CEP83: variants seen among roughly 807,000 people sequenced by gnomAD.
The protein encoded by CEP83 is centrosomal protein 83.
Under a neutral mutation model 101.9 loss-of-function variants are expected in CEP83, and 70 were observed. The observed-to-expected ratio is 0.69, with a 90% CI of 0.57 to 0.84. The LOEUF (loss-of-function observed/expected upper bound fraction) is 0.84. Among genes scored for constraint, CEP83 ranks in the 40% least tolerant of loss-of-function variants. The pLI, the probability that CEP83 is intolerant of heterozygous loss-of-function variation, is 0.00. For missense variants in CEP83, 715 were observed against 787.2 expected (o/e 0.91, Z 1.10); for synonymous variants, 264 against 267.9 (o/e 0.99, Z 0.14).
chr12:94,331,357 CTTTTT>C lies in CEP83; in HGVS notation c.1707+338_1707+342del, dbSNP rs1161292599. Among the ~76,000 whole-genome samples, 50 of 66,776 alleles carry C rather than the reference CTTTTT, an allele frequency of 7.5e-4. No homozygotes were observed. In the East Asian group the frequency reaches 0.015, roughly 20 times the overall value. 43.8% of individuals were successfully genotyped at this position (66,776 alleles called of 152,430 possible). On this transcript the variant is annotated intron_variant, in intron 14 of 16. Transcript: ENST00000397809. Reference sequence around the variant, plus strand: ...TACTCCATAGAAATCACCTTTTTTCCTTTTTTTTTTTTTTTTTTTTTTTTTTTGCG... The same window carrying C: ...TACTCCATAGAAATCACCTTTTTTCCTTTTTTTTTTTTTTTTTTTTTTGCG...
At chr12:94,313,488 CTG>C (rs952559875) in intron 14 of CEP83, among the ~76,000 whole-genome samples, 10 of 142,174 alleles carry the variant, frequency 7.0e-5, no homozygotes, top group African/African-American at 2.7e-4. Flanking sequence ...TTAGCTATGA[CTG>C]TGCCACTCCA....
chr12:94,442,471 T>C (rs2066483099), intron 1 of CEP83, among the ~76,000 whole-genome samples: 1 of 152,080 alleles, frequency 6.6e-6, no homozygotes, highest in Non-Finnish European at 1.5e-5. Flanking sequence ...CTAAATAAGT[T>C]ATCCATGTAA....
chr12:94,285,283 C>T, the CEP83 span, among the ~76,000 whole-genome samples: 1 of 152,308 alleles, frequency 6.6e-6, no homozygotes, highest in South Asian at 2.1e-4. Flanking sequence ...CTGCCAGATT[C>T]TCCCCTTGCC....
chr12:94,303,028 A>C (rs1968623613), downstream of CEP83, among the ~76,000 whole-genome samples: 1 of 152,252 alleles, frequency 6.6e-6, no homozygotes, highest in Non-Finnish European at 1.5e-5. Context: ...CTGGGACATT[A>C]GCCCTATCAT....
chr12:94,333,798 C>G (rs1188450819), intron 12 of CEP83, 159 bp from the exon 13 acceptor site: 1 of 605,616 alleles, frequency 1.7e-6, no homozygotes, highest in Non-Finnish European at 2.8e-6. Context: ...TAGCAGCACC[C>G]AGGAGCATTT....
chr12:94,330,736 T>C (rs1370192541), intron 14 of CEP83, among the ~76,000 whole-genome samples: 1 of 152,182 alleles, frequency 6.6e-6, no homozygotes, highest in East Asian at 1.9e-4. Flanking sequence ...AATCACACTA[T>C]AATTTAACTG....
chr12:94,425,968 A>C (rs1326423350), intron 2 of CEP83, among the ~76,000 whole-genome samples: 1 of 151,958 alleles, frequency 6.6e-6, no homozygotes, highest in Non-Finnish European at 1.5e-5. Flanking sequence ...AAAATACAAA[A>C]AAAATTAGCT....
At chr12:94,332,335 A>G (rs2059258738) in intron 13 of CEP83, among the ~76,000 whole-genome samples, 1 of 152,216 alleles carries the variant, frequency 6.6e-6, no homozygotes, top group Non-Finnish European at 1.5e-5. Context: ...ATAACAACTT[A>G]TATTTTTAAA....
At chr12:94,446,704 C>A (rs1175737309) in intron 1 of CEP83, among the ~76,000 whole-genome samples, 1 of 151,832 alleles carries the variant, frequency 6.6e-6, no homozygotes, top group African/African-American at 2.4e-5. Flanking sequence ...AAGACCCCAC[C>A]TCAAAGAAAA....
Position 94,368,090 on chromosome 12 carries a change from C to T in CEP83, c.1160G>A (p.Gly387Asp), listed in dbSNP as rs181273359. 15 of 1,613,284 alleles carry T rather than the reference C, an allele frequency of 9.3e-6. No individual in the cohort carries two copies. The East Asian group carries it at 2.9e-4, about 31-fold the overall frequency. The change falls in exon 10 of 17, where the codon GGT becomes GAT. Residue 387 changes from glycine to aspartate, a missense_variant. Transcript: ENST00000397809. ...TTGTAATACCACAAGTTTTTGATAA[C>T]CTTCTTCTTTGGCAGCTTGTACTTT... ...IRKVQAAKEEGYQKLVVLQDE... is the reference protein window; with the variant it reads ...IRKVQAAKEEDYQKLVVLQDE...
chr12:94,411,276 T>G (rs191349295), intron 4 of CEP83, among the ~76,000 whole-genome samples: 1 of 152,184 alleles, frequency 6.6e-6, no homozygotes. Context: ...ACATAAATTA[T>G]GTTCACATAC....
intron 11 of CEP83, among the ~76,000 whole-genome samples, chr12:94,360,712 T>C (rs2136925043): frequency 6.6e-6 from 1 of 152,096 alleles, no homozygotes; most frequent in African/African-American, 2.4e-5. Flanking sequence ...ATTTCTACCA[T>C]ATTACCAATG....
intron 14 of CEP83, among the ~76,000 whole-genome samples, chr12:94,315,987 C>G (rs1396056392): frequency 1.3e-5 from 2 of 152,044 alleles, no homozygotes. Flanking sequence ...TATTCTAGTC[C>G]TTTGTACTTT....
Position 94,400,858 on chromosome 12 carries a change from C to T in CEP83, c.541G>A (p.Glu181Lys), listed in dbSNP as rs755656442. The change falls in exon 6 of 17, where the codon GAA becomes AAA. Residue 181 changes from glutamate (E) to lysine (K), a missense_variant. By Grantham distance (56) the Glu-to-Lys change is moderately conservative (BLOSUM62 1). Transcript: ENST00000397809. The stretch of plus-strand genomic sequence containing the variant: ...TATAATCAATCACTTACCTCTGATT[C>T]ATATTTTATTTTTCCTTCATCTAAA... ...RILDEGKIKY[E>K]SEIARLEEDK... 42 of 1,467,368 alleles carry T rather than the reference C, an allele frequency of 2.9e-5. No homozygotes were observed. The highest frequency in any genetic ancestry group is 3.7e-5 in the Non-Finnish European group (41 of 1,104,950). The allele number at this position is 1,467,368 out of a possible 1,614,324, so 90.9% of individuals were successfully genotyped here.
At chr12:94,316,518 T>C (rs1370538955) in intron 14 of CEP83, among the ~76,000 whole-genome samples, 2 of 152,118 alleles carry the variant, frequency 1.3e-5, no homozygotes, top group African/African-American at 4.8e-5. Context: ...GATTATTTCA[T>C]CACCCAGGTA....
At chr12:94,414,609 AC>A (rs775632943) in intron 2 of CEP83, among the ~76,000 whole-genome samples, 9 of 152,210 alleles carry the variant, frequency 5.9e-5, no homozygotes, top group Non-Finnish European at 1.0e-4. Flanking sequence ...TGTAAACATA[AC>A]TTTTCCATGC....
At chr12:94,295,458 C>T in the CEP83 span, among the ~76,000 whole-genome samples, 1 of 152,140 alleles carries the variant, frequency 6.6e-6, no homozygotes, top group South Asian at 2.1e-4. Flanking sequence ...AAAGATTGGG[C>T]CTTTTGAAGA....
chr12:94,271,072 C>A, the CEP83 span, among the ~76,000 whole-genome samples: 184 of 152,322 alleles, frequency 1.2e-3, no homozygotes, highest in Admixed American at 2.8e-3. Flanking sequence ...ACTGAATTTT[C>A]TTTCTTGTTT....
intron 4 of CEP83, among the ~76,000 whole-genome samples, chr12:94,405,646 T>G (rs2063492026): frequency 6.6e-6 from 1 of 151,988 alleles, no homozygotes; most frequent in Non-Finnish European, 1.5e-5. Context: ...CAGACAAAAA[T>G]TAAACAGTTT....
Sources: allele counts gnomAD v4.1 joint callset (sites outside exome capture counted in the v4.1 genomes callset), GRCh38; gene constraint gnomAD v4.1.1; transcripts MANE v1.5; gene names NCBI Gene and HGNC (gene_info 2026-07-23, HGNC 2026-07-21).